Variants in GPR176 observed in about 807,000 individuals in gnomAD.
GPR176 encodes G-protein coupled receptor 176.
A neutral mutation model predicts 35.4 loss-of-function variants in GPR176; 26 were observed. The ratio of observed to expected loss-of-function variants is 0.74; its 90% CI spans 0.54 to 1.02. The LOEUF is 1.02. Ranked by LOEUF, GPR176 falls within the 50% of genes least tolerant of loss-of-function variation. The pLI, the probability that GPR176 is intolerant of heterozygous loss-of-function variation, is 0.00. For synonymous variants in GPR176, 278 were observed against 271.3 expected (o/e 1.02, Z -0.24); for missense variants, 597 against 665.3 (o/e 0.90, Z 1.13).
intron 1 of GPR176, among the ~76,000 whole-genome samples, chr15:39,915,356 T>C (rs1366639381): frequency 1.3e-5 from 2 of 152,162 alleles, no homozygotes; most frequent in African/African-American, 2.4e-5. Context: ...ATGTTACTAA[T>C]TCCATCTTGA....
intron 1 of GPR176, among the ~76,000 whole-genome samples, chr15:39,824,185 C>T (rs1041642864): frequency 8.5e-5 from 13 of 152,346 alleles, no homozygotes; most frequent in Middle Eastern, 6.8e-3. Context: ...CTCCCCTTCG[C>T]CTTCTGCCAT....
At chr15:39,813,004 G>GA (rs1219701945) in intron 1 of GPR176, among the ~76,000 whole-genome samples, 5 of 152,044 alleles carry the variant, frequency 3.3e-5, no homozygotes, top group Non-Finnish European at 5.9e-5. Flanking sequence ...CAAAATGCTT[G>GA]AATTACAGGC....
At chr15:39,859,973 A>G (rs1595487682) in intron 1 of GPR176, among the ~76,000 whole-genome samples, 1 of 127,438 alleles carries the variant, frequency 7.8e-6, no homozygotes, top group East Asian at 2.2e-4. Flanking sequence ...TTTTTTTGCC[A>G]CAATAAAAAA....
chr15:39,888,246 T>A (rs56036620), intron 1 of GPR176, among the ~76,000 whole-genome samples: 34 of 151,422 alleles, frequency 2.2e-4, no homozygotes, highest in African/African-American at 8.3e-4. Context: ...CTCTTGTTGG[T>A]TTTTTTGGGG....
chr15:39,845,118 G>A (rs577709882), intron 1 of GPR176, among the ~76,000 whole-genome samples: 3 of 152,182 alleles, frequency 2.0e-5, no homozygotes, highest in Non-Finnish European at 4.4e-5. Context: ...GGCCAGGACA[G>A]CACTCACTGA....
At chr15:39,897,282 CACA>C (rs2033141767) in intron 1 of GPR176, among the ~76,000 whole-genome samples, 4 of 152,204 alleles carry the variant, frequency 2.6e-5, no homozygotes, top group Admixed American at 6.5e-5. Flanking sequence ...GAATCTAGGA[CACA>C]ACATGATACA....
In GPR176 at chr15:39,805,339, G is replaced by A. The variant is rs148114717; in HGVS notation, c.425+1667C>T. 2.7e-3 allele frequency among the ~76,000 whole-genome samples: 408 copies of A among 152,048 alleles called. 2 individuals are homozygous for A. Among genetic ancestry groups the A allele is most frequent in the African/African-American group, 8.9e-3 (370 of 41,454 alleles). ...CATGCAACGTCACCATAAAGCAGGCGTGGCAAATTGGCATCTCAGGGCACA... is the reference window on the plus strand; with the variant it reads ...CATGCAACGTCACCATAAAGCAGGCATGGCAAATTGGCATCTCAGGGCACA... On this transcript the variant is annotated intron_variant, in intron 2 of 2. Transcript: ENST00000561100.
intron 1 of GPR176, among the ~76,000 whole-genome samples, chr15:39,811,637 C>T (rs1005876626): frequency 3.3e-5 from 5 of 152,226 alleles, no homozygotes; most frequent in African/African-American, 9.6e-5. Flanking sequence ...GTTCCAGATT[C>T]GGGGTGTGGT....
intron 1 of GPR176, among the ~76,000 whole-genome samples, chr15:39,885,675 G>A (rs1195982983): frequency 6.6e-6 from 1 of 151,998 alleles, no homozygotes; most frequent in East Asian, 1.9e-4. Context: ...GTCCTTTTTT[G>A]TTGCTATGCA....
At chr15:39,814,303 C>T (rs1003993613) in intron 1 of GPR176, among the ~76,000 whole-genome samples, 1 of 152,108 alleles carries the variant, frequency 6.6e-6, no homozygotes, top group African/African-American at 2.4e-5. Flanking sequence ...ATCAATTCAC[C>T]CTCTTCTGAA....
chr15:39,898,079 A>G (rs184049320), intron 1 of GPR176, among the ~76,000 whole-genome samples: 23 of 152,368 alleles, frequency 1.5e-4, no homozygotes, highest in Admixed American at 1.4e-3. Flanking sequence ...CATATTAGTG[A>G]AAACATTCTC....
intron 1 of GPR176, among the ~76,000 whole-genome samples, chr15:39,823,194 T>C (rs1900391932): frequency 6.6e-6 from 1 of 152,230 alleles, no homozygotes; most frequent in African/African-American, 2.4e-5. Context: ...TTCATGTGTA[T>C]TGTTCCACTT....
chr15:39,841,959 G>C (rs192710997), intron 1 of GPR176, among the ~76,000 whole-genome samples: 77 of 152,004 alleles, frequency 5.1e-4, no homozygotes, highest in Middle Eastern at 3.4e-3. Flanking sequence ...CTCTCAGTAG[G>C]GATCCCAGTT....
chr15:39,824,983 C>T (rs1167615696), intron 1 of GPR176, among the ~76,000 whole-genome samples: 1 of 151,996 alleles, frequency 6.6e-6, no homozygotes, highest in Admixed American at 6.6e-5. Context: ...AGTGGGAGGA[C>T]TACTTGAGTC....
chr15:39,874,315 G>A (rs910605650), intron 1 of GPR176, among the ~76,000 whole-genome samples: 1 of 152,194 alleles, frequency 6.6e-6, no homozygotes, highest in Non-Finnish European at 1.5e-5. Context: ...ATCTCACATG[G>A]ATGATCTGCT....
chr15:39,853,403 G>A (rs573140249), intron 1 of GPR176, among the ~76,000 whole-genome samples: 2 of 152,312 alleles, frequency 1.3e-5, no homozygotes, highest in East Asian at 3.9e-4. Context: ...TCCAGGAGCT[G>A]GGGAAGGAGG....
chr15:39,889,308 G>A (rs60749687), intron 1 of GPR176, among the ~76,000 whole-genome samples: 3,637 of 152,184 alleles, frequency 0.024, 107 homozygotes, highest in African/African-American at 0.073. Flanking sequence ...AACACTTTGG[G>A]AGGCTGAGGT....
At chr15:39,831,352 G>A (rs967288923) in intron 1 of GPR176, among the ~76,000 whole-genome samples, 25 of 152,058 alleles carry the variant, frequency 1.6e-4, no homozygotes, top group African/African-American at 4.6e-4. Context: ...CAGCTAAATT[G>A]ACCTGGTATT....
At chr15:39,865,689 C>T (rs1252805797) in intron 1 of GPR176, among the ~76,000 whole-genome samples, 1 of 152,070 alleles carries the variant, frequency 6.6e-6, no homozygotes, top group Admixed American at 6.5e-5. Flanking sequence ...CAACTGTACC[C>T]CATAAATTTA....
Sources: allele counts gnomAD v4.1 joint callset (sites outside exome capture counted in the v4.1 genomes callset), GRCh38; gene constraint gnomAD v4.1.1; transcripts MANE v1.5; gene names NCBI Gene and HGNC (gene_info 2026-07-23, HGNC 2026-07-21).